Variants in DLC1 observed in about 807,000 individuals in gnomAD.
DLC1 encodes DLC1 Rho GTPase activating protein.
A neutral mutation model predicts 140.3 loss-of-function variants in DLC1; 54 were observed. The observed-to-expected ratio is 0.38, with a 90% CI of 0.31 to 0.48. The LOEUF is 0.48. Ranked by LOEUF, DLC1 falls within the 20% of genes least tolerant of loss-of-function variation. DLC1 has a pLI of 0.96. For missense variants in DLC1, 2,536 were observed against 1,907.0 expected (o/e 1.33, Z -6.14); for synonymous variants, 986 against 728.1 (o/e 1.35, Z -5.70).
intron 16 of DLC1, among the ~76,000 whole-genome samples, chr8:13,087,790 T>C (rs1320731475): frequency 6.6e-6 from 1 of 152,252 alleles, no homozygotes; most frequent in Non-Finnish European, 1.5e-5. Flanking sequence ...CTTTCAGTAA[T>C]ATCTCCAGAG....
chr8:13,262,358 G>C (rs969662062), intron 5 of DLC1, among the ~76,000 whole-genome samples: 5 of 151,848 alleles, frequency 3.3e-5, no homozygotes, highest in South Asian at 2.1e-4. Flanking sequence ...GAGGAAAATT[G>C]ATAATCACGT....
chr8:13,219,079 T>C (rs187570506), intron 5 of DLC1, among the ~76,000 whole-genome samples: 1 of 114,260 alleles, frequency 8.8e-6, no homozygotes, highest in Non-Finnish European at 1.6e-5. Flanking sequence ...TATAATTATA[T>C]AATTATATGT....
At chr8:13,558,984 G>A (rs1804149931) in intron 1 of DLC1, 1 of 152,184 alleles carries the variant, frequency 6.6e-6, no homozygotes, top group Non-Finnish European at 1.5e-5. Flanking sequence ...CATAGCAGAA[G>A]CTGGTTTTAT....
At chr8:13,311,588 G>A (rs983890031) in intron 4 of DLC1, among the ~76,000 whole-genome samples, 2 of 152,138 alleles carry the variant, frequency 1.3e-5, no homozygotes, top group African/African-American at 2.4e-5. Context: ...AAAGTTATCA[G>A]CAATATTGAG....
intron 5 of DLC1, among the ~76,000 whole-genome samples, chr8:13,254,730 G>A (rs548312365): frequency 6.6e-6 from 1 of 151,826 alleles, no homozygotes; most frequent in Admixed American, 6.6e-5. Flanking sequence ...TAGGGAAAGG[G>A]TATAGATTTC....
intron 5 of DLC1, among the ~76,000 whole-genome samples, chr8:13,142,132 T>A (rs939703150): frequency 3.9e-5 from 6 of 152,236 alleles, no homozygotes; most frequent in Admixed American, 2.0e-4. Context: ...AGTTACTTGC[T>A]TCTGCTTCAG....
At chr8:13,357,466 T>C (rs550612222) in intron 4 of DLC1, among the ~76,000 whole-genome samples, 1 of 152,368 alleles carries the variant, frequency 6.6e-6, no homozygotes, top group Non-Finnish European at 1.5e-5. Flanking sequence ...CGTTGTGAGA[T>C]GCTTTATATA....
chr8:13,525,561 T>C (rs1372063950), intron 1 of DLC1, among the ~76,000 whole-genome samples: 1 of 152,208 alleles, frequency 6.6e-6, no homozygotes, highest in Non-Finnish European at 1.5e-5. Context: ...TCATTGTGGT[T>C]TTAACTTTCA....
At chr8:13,191,825 G>T (rs145142061) in intron 5 of DLC1, among the ~76,000 whole-genome samples, 1,913 of 152,056 alleles carry the variant, frequency 0.013, 50 homozygotes, top group African/African-American at 0.043. Flanking sequence ...ATAATAGATT[G>T]GGCAGTACTA....
At chr8:13,099,236 A>C (rs966593489) in intron 9 of DLC1, 111 bp downstream of exon 9, 2 of 1,486,218 alleles carry the variant, frequency 1.3e-6, no homozygotes, top group African/African-American at 2.8e-5. Context: ...TTAGGAATGG[A>C]CATGGCTAAG....
chr8:13,398,137 A>G (rs1157531362), intron 3 of DLC1, among the ~76,000 whole-genome samples: 1 of 152,020 alleles, frequency 6.6e-6, no homozygotes, highest in Admixed American at 6.6e-5. Flanking sequence ...CTCAAAAAAA[A>G]GAACAAGACC....
intron 2 of DLC1, among the ~76,000 whole-genome samples, chr8:13,413,641 G>T (rs1303638493): frequency 1.3e-5 from 2 of 151,930 alleles, no homozygotes; most frequent in Admixed American, 6.6e-5. Flanking sequence ...CATGGAGGAG[G>T]TTCCCCCATG....
rs147480592 is a variant in DLC1 at position 13,582,402 on chromosome 8, A to G, written c.-126+22135T>C. On this transcript the variant is annotated intron_variant, in intron 1 of 1. Coordinates refer to the DLC1 transcript ENST00000631382. The stretch of plus-strand genomic sequence containing the variant: ...GAGGGTGTTGCCAAAGGAGATTAAC[A>G]TTTGAGTCAGTGGACTGGGGAAGGC... Among the ~76,000 whole-genome samples the G allele has an allele frequency of 1.2e-3, 181 of 152,304 alleles. 1 individual carries two copies. The highest frequency in any genetic ancestry group is 4.1e-3 in the African/African-American group (170 of 41,558).
chr8:13,094,964 G>A lies in DLC1; in HGVS notation c.3328-7C>T. On this transcript the variant is annotated splice_polypyrimidine_tract_variant and splice_region_variant and intron_variant, in intron 11 of 17. Coordinates refer to ENST00000276297, the MANE Select transcript of DLC1 (RefSeq NM_182643.3). Reference sequence around the variant, plus strand: ...ATTTTCTGAAGAGCCCAACCTGTCGGAAGAGCAACACTAAGTGTGGGGTAC... The same window carrying A: ...ATTTTCTGAAGAGCCCAACCTGTCGAAAGAGCAACACTAAGTGTGGGGTAC... The A allele has an allele frequency of 1.2e-6, 2 of 1,614,090 alleles. No individual in the cohort carries two copies. The highest frequency in any genetic ancestry group is 1.7e-6 in the Non-Finnish European group (2 of 1,179,966).
intron 5 of DLC1, chr8:13,116,029 T>C (rs1820531167): frequency 1.6e-6 from 1 of 608,450 alleles, no homozygotes; most frequent in Non-Finnish European, 2.1e-6. Flanking sequence ...TTGTACTACT[T>C]TTCACTTCAA....
At chr8:13,235,558 A>G (rs1293642929) in intron 5 of DLC1, among the ~76,000 whole-genome samples, 1 of 152,084 alleles carries the variant, frequency 6.6e-6, no homozygotes, top group South Asian at 2.1e-4. Flanking sequence ...TTTCTTGTAC[A>G]AATGAAAACA....
intron 1 of DLC1, chr8:13,567,431 A>G (rs1804485385): frequency 1.3e-6 from 2 of 1,552,022 alleles, no homozygotes; most frequent in Non-Finnish European, 8.7e-7. Flanking sequence ...AGCAGCAGAC[A>G]TAAAAAGCTG....
intron 1 of DLC1, among the ~76,000 whole-genome samples, chr8:13,521,878 T>A (rs964533314): frequency 6.6e-6 from 1 of 152,312 alleles, no homozygotes; most frequent in African/African-American, 2.4e-5. Context: ...TCAAGTGATA[T>A]TAACTGTGTA....
intron 5 of DLC1, among the ~76,000 whole-genome samples, chr8:13,210,279 T>C (rs1466210805): frequency 6.6e-6 from 1 of 152,190 alleles, no homozygotes; most frequent in Non-Finnish European, 1.5e-5. Flanking sequence ...ACCTCCGCTC[T>C]CAATTCTGGG....
Sources: allele counts gnomAD v4.1 joint callset (sites outside exome capture counted in the v4.1 genomes callset), GRCh38; gene constraint gnomAD v4.1.1; transcripts MANE v1.5; gene names NCBI Gene and HGNC (gene_info 2026-07-23, HGNC 2026-07-21).